ARAF: variants seen among roughly 807,000 people sequenced by gnomAD.
The protein encoded by ARAF is A-Raf proto-oncogene, serine/threonine kinase.
A neutral mutation model predicts 48.0 loss-of-function variants in ARAF; 18 were observed. The observed-to-expected ratio is 0.37, with a 90% CI of 0.26 to 0.56. ARAF has a LOEUF of 0.56. ARAF is among the 20% of genes least tolerant of loss of function. The pLI is 0.77. For missense variants in ARAF, 389 were observed against 543.1 expected (o/e 0.72, Z 2.82); for synonymous variants, 207 against 220.1 (o/e 0.94, Z 0.53).
chrX:47,571,110 A>T lies in ARAF; in HGVS notation c.1686+98A>T, dbSNP rs1039457293. The T allele has an allele frequency of 6.4e-4, 525 of 816,703 alleles. 2 individuals carry two copies. The South Asian group carries it at 9.3e-3, about 14-fold the overall frequency. The allele number at this position is 816,703 out of a possible 1,213,427, so 67.3% of individuals were successfully genotyped here. Reference sequence around the variant, plus strand: ...TGTGAATATGAAAGCTCAGAGGTATAGTGTGTGTGTGTGTGTGTGTGTGTG... The same window carrying T: ...TGTGAATATGAAAGCTCAGAGGTATTGTGTGTGTGTGTGTGTGTGTGTGTG... On this transcript the variant is annotated intron_variant, in intron 15 of 15. Coordinates refer to ENST00000377045, the MANE Select transcript of ARAF (RefSeq NM_001654.5).
chrX:47,562,219 CTG>C (rs963986040), intron 1 of ARAF, among the ~76,000 whole-genome samples: 2 of 110,525 alleles, frequency 1.8e-5, no homozygotes, highest in Non-Finnish European at 3.8e-5. Context: ...CCCCCGTTCT[CTG>C]TTAAAAAACC....
At position 47,565,477 on chromosome X, in the gene ARAF, A is replaced by G. The variant is rs2057728783; in HGVS notation, c.557+127A>G. ...TTATTGAGCACCTACAAGTGTGAGT[A>G]AGGGCATGAAACTGGGACCTTGGGC... is the stretch of plus-strand genomic sequence containing the variant. On this transcript the variant is annotated intron_variant, in intron 6 of 15. Coordinates refer to ENST00000377045, the MANE Select transcript of ARAF (RefSeq NM_001654.5). 6.7e-6 allele frequency: 7 copies of G among 1,043,067 alleles called. No individual in the cohort carries two copies. In the Admixed American group the frequency reaches 2.3e-4, roughly 34 times the overall value. 86.0% of individuals were successfully genotyped at this position (1,043,067 alleles called of 1,213,427 possible).
At chrX:47,565,471 G>A (rs1370660938) in intron 6 of ARAF, 121 bp downstream of exon 6, 1 of 1,052,682 alleles carries the variant, frequency 9.5e-7, no homozygotes. Context: ...ACCTACAAGT[G>A]TGAGTAAGGG....
At chrX:47,570,776 G>A (rs1027237200) in intron 14 of ARAF, 102 bp from the exon 15 acceptor site, 120 of 860,739 alleles carry the variant, frequency 1.4e-4, no homozygotes, top group Non-Finnish European at 1.9e-4. Flanking sequence ...CAGTACCCCA[G>A]CTCGCTAAAA....
intron 15 of ARAF, 147 bp from the exon 16 acceptor site, chrX:47,571,176 G>A: frequency 1.0e-6 from 1 of 963,003 alleles, no homozygotes; most frequent in Non-Finnish European, 1.4e-6. Flanking sequence ...GGGGGTGTGT[G>A]TGTATGTGTG....
In ARAF at chrX:47,563,014, G is replaced by A. The variant is rs765492001; in HGVS notation, c.47G>A (p.Arg16Gln). Residue 16 changes from arginine (R) to glutamine (Q), a missense_variant, in exon 2 of 16, where the codon CGG (arginine) becomes CAG (glutamine). Around this residue, in one of 4 missense-constraint regions of ARAF, gnomAD observed 47 missense variants for 66.9 expected, o/e 0.70. Coordinates refer to ENST00000377045, the MANE Select transcript of ARAF (RefSeq NM_001654.5). Reference protein sequence around the residue: ...GPPANGAEPSRAVGTVKVYLP... With the variant: ...GPPANGAEPSQAVGTVKVYLP... ...CCTGCCAATGGGGCCGAGCCATCCC[G>A]GGCAGTGGGCACCGTCAAAGTATAC... 4.2e-6 allele frequency: 5 copies of A among 1,197,863 alleles called. No individual in the cohort carries two copies. Among genetic ancestry groups the A allele is most frequent in the South Asian group, 3.7e-5 (2 of 54,746 alleles).
rs1462354021 is a variant in ARAF at position 47,568,833 on chromosome X, G to A, written c.1192G>A (p.Asp398Asn). 5.0e-6 allele frequency: 6 copies of A among 1,210,762 alleles called. No individual in the cohort carries two copies. The highest frequency in any genetic ancestry group is 3.5e-5 in the South Asian group (2 of 56,773). ...SSLYHHLHVA[D>N]TRFDMVQLID... Reference sequence around the variant, plus strand: ...CCTCTACCATCACCTGCATGTGGCCGACACACGCTTCGACATGGTCCAGCT... The same window carrying A: ...CCTCTACCATCACCTGCATGTGGCCAACACACGCTTCGACATGGTCCAGCT... Residue 398 changes from aspartate to asparagine, a missense_variant, in exon 11 of 16, where the codon GAC becomes AAC. Transcript: ENST00000377045.
chrX:47,570,000 C>T lies in ARAF; in HGVS notation c.1527C>T (p.Tyr509=), dbSNP rs2147908969. ...LYELMTGSLP[Y]SHIGCRDQII... is the part of the protein sequence containing the mutation. Reference sequence around the variant, plus strand: ...AGCTTATGACTGGCTCACTGCCTTACAGCCACATTGGCTGCCGTGACCAGG... The same window carrying T: ...AGCTTATGACTGGCTCACTGCCTTATAGCCACATTGGCTGCCGTGACCAGG... Residue 509 remains tyrosine, a synonymous_variant, in exon 14 of 16, where the codon TAC becomes TAT. Coordinates refer to ENST00000377045, the MANE Select transcript of ARAF (RefSeq NM_001654.5). The T allele has an allele frequency of 8.3e-7, 1 of 1,206,801 alleles. No individual in the cohort carries two copies. Among genetic ancestry groups the T allele is most frequent in the Non-Finnish European group, 1.1e-6 (1 of 893,522 alleles).
chrX:47,566,969 CCT>C lies in ARAF; in HGVS notation c.728-12_728-11del. On this transcript the variant is annotated splice_polypyrimidine_tract_variant and intron_variant, in intron 8 of 15. Transcript: ENST00000377045. ...CTGCCCCACTTACCTCCACTCACAT[CCT>C]CTCTGCAACTGCAGCTGCCGGTAGT... 1 of 1,211,855 alleles carries C rather than the reference CCT, an allele frequency of 8.3e-7. No homozygotes were observed.
In ARAF at chrX:47,567,471, C is replaced by T. The variant is rs190214159; in HGVS notation, c.1076+39C>T. 2.7e-4 allele frequency: 311 copies of T among 1,157,023 alleles called. 1 individual carries two copies. Among genetic ancestry groups the T allele is most frequent in the Non-Finnish European group, 2.6e-4 (225 of 862,462 alleles). ...TGTGCGTGGATGGGGGTGGCAGGCC[C>T]GGCCTTGGCATCTCTCTGGGAAAAG... is the stretch of plus-strand genomic sequence containing the variant. On this transcript the variant is annotated intron_variant, in intron 10 of 15. Coordinates refer to ENST00000377045, the MANE Select transcript of ARAF (RefSeq NM_001654.5).
intron 15 of ARAF, 141 bp from the exon 16 acceptor site, chrX:47,571,180 ATG>A (rs2057755224): frequency 2.5e-5 from 22 of 895,421 alleles, no homozygotes; most frequent in Non-Finnish European, 3.3e-5. Context: ...GTGTGTGTGT[ATG>A]TGTGTTTCGC....
At chrX:47,563,091 G>A in intron 2 of ARAF, 28 bp downstream of exon 2, 1 of 1,170,800 alleles carries the variant, frequency 8.5e-7, no homozygotes, top group Non-Finnish European at 1.2e-6. Context: ...AATGGCAGGG[G>A]CTGTGGATGG....
In ARAF at chrX:47,564,985, G is replaced by A; in HGVS notation, c.304G>A (p.Val102Ile). 1 of 1,211,970 alleles carries A rather than the reference G, an allele frequency of 8.3e-7. No individual in the cohort carries two copies. The highest frequency in any genetic ancestry group is 1.1e-6 in the Non-Finnish European group (1 of 895,509). The part of the protein sequence containing the change: ...EDVPLTMHNF[V>I]RKTFFSLAFC... The stretch of plus-strand genomic sequence containing the variant: ...AAACTTCCCTGCTCTGTGGCATCAG[G>A]TACGGAAGACCTTCTTCAGCCTGGC... Residue 102 changes from valine (V) to isoleucine (I), a missense_variant and splice_region_variant, in exon 5 of 16, where the codon GTA becomes ATA. By Grantham distance (29) the Val-to-Ile change is conservative (BLOSUM62 3). Coordinates refer to ENST00000377045, the MANE Select transcript of ARAF (RefSeq NM_001654.5).
In ARAF at chrX:47,565,539, C is replaced by G. The variant is rs148450866; in HGVS notation, c.557+189C>G. On this transcript the variant is annotated intron_variant, in intron 6 of 15. Transcript: ENST00000377045. ...TTTCTCTGGGCCTCAGTTTTCTCAT[C>G]TGTAAAGAGGGGATGATGATACTTT... is the stretch of plus-strand genomic sequence containing the variant. The G allele has an allele frequency of 1.0e-5, 7 of 667,069 alleles. No homozygotes were observed. The African/African-American group carries it at 1.3e-4, about 13-fold the overall frequency. 55.0% of individuals were successfully genotyped at this position (667,069 alleles called of 1,213,427 possible).
intron 14 of ARAF, 46 bp downstream of exon 14, chrX:47,570,070 C>T (rs1473935710): frequency 3.4e-6 from 4 of 1,180,925 alleles, no homozygotes; most frequent in African/African-American, 1.8e-5. Flanking sequence ...GAGGGATCCC[C>T]TCAGGCATCC....
At chrX:47,563,399 C>T in intron 3 of ARAF, 70 bp downstream of exon 3, 1 of 826,234 alleles carries the variant, frequency 1.2e-6, no homozygotes, top group Non-Finnish European at 1.8e-6. Context: ...TCATTTGATT[C>T]CTTCTGTACT....
chrX:47,571,515 C>T lies in ARAF; in HGVS notation c.*58C>T, dbSNP rs1299295370. 6.9e-6 allele frequency: 8 copies of T among 1,155,282 alleles called. No individual in the cohort carries two copies. Among genetic ancestry groups the T allele is most frequent in the Non-Finnish European group, 9.2e-6 (8 of 867,752 alleles). On this transcript the variant is annotated 3_prime_UTR_variant, in exon 16 of 16. Transcript: ENST00000377045. The stretch of plus-strand genomic sequence containing the variant: ...GCCCTCCACGCCAAGGAGCCTTGCC[C>T]ACCAGCCAATCAATGTTCGTCTCTG...
chrX:47,562,799 G>C, intron 1 of ARAF, 110 bp from the exon 2 acceptor site: 2 of 436,233 alleles, frequency 4.6e-6, no homozygotes, highest in Non-Finnish European at 8.0e-6. Flanking sequence ...GTGAAAATTA[G>C]GCTGCAGGGG....
chrX:47,569,713 G>A (rs1373777802), intron 13 of ARAF, 56 bp downstream of exon 13: 9 of 1,138,665 alleles, frequency 7.9e-6, no homozygotes, highest in Non-Finnish European at 1.1e-5. Context: ...CCGGGATTGG[G>A]GTGTGTGGGG....
Sources: gnomAD v4.1 joint callset for allele counts (sites outside exome capture counted in the v4.1 genomes callset) on GRCh38, gnomAD v4.1.1 for gene constraint, gnomAD v4.1.1 regional missense constraint, MANE v1.5 for transcripts, NCBI Gene and HGNC (gene_info 2026-07-23, HGNC 2026-07-21) for gene names.